The following SCHIP1 variants were observed in gnomAD, a reference collection of about 807,000 sequenced individuals.
The protein encoded by SCHIP1 is schwannomin-interacting protein 1.
A neutral mutation model predicts 29.7 loss-of-function variants in SCHIP1; 8 were observed. The observed-to-expected ratio is 0.27, with a 90% confidence interval of 0.16 to 0.49. SCHIP1 has a LOEUF of 0.49. Among genes scored for constraint, SCHIP1 ranks in the 20% least tolerant of loss-of-function variants. SCHIP1 has a pLI of 0.99. For missense variants in SCHIP1, 193 were observed against 294.6 expected (o/e 0.66, Z 2.52); for synonymous variants, 76 against 94.9 (o/e 0.80, Z 1.16).
the SCHIP1 span, among the ~76,000 whole-genome samples, chr3:159,452,045 G>T: frequency 2.0e-5 from 3 of 152,002 alleles, no homozygotes; most frequent in Non-Finnish European, 2.9e-5. Flanking sequence ...GGGCCAAGTG[G>T]TCTGCGTTGT....
chr3:159,372,447 C>CTTGA, the SCHIP1 span, among the ~76,000 whole-genome samples: 1 of 151,960 alleles, frequency 6.6e-6, no homozygotes. Flanking sequence ...TGTTTTTATA[C>CTTGA]TTGATTGAAA....
chr3:159,341,047 T>C, the SCHIP1 span, among the ~76,000 whole-genome samples: 4 of 152,188 alleles, frequency 2.6e-5, no homozygotes, highest in South Asian at 8.3e-4. Flanking sequence ...TTCCTGAGTT[T>C]TAGAGTTCAG....
At chr3:159,564,635 C>T in the SCHIP1 span, among the ~76,000 whole-genome samples, 8 of 152,180 alleles carry the variant, frequency 5.3e-5, no homozygotes, top group African/African-American at 1.9e-4. Flanking sequence ...CGTGGCCTCC[C>T]AAAGTGCTGG....
At chr3:159,668,145 G>C in the SCHIP1 span, among the ~76,000 whole-genome samples, 1 of 152,062 alleles carries the variant, frequency 6.6e-6, no homozygotes, top group Admixed American at 6.5e-5. Context: ...TGAGGCAGGT[G>C]GATCATGAGG....
the SCHIP1 span, among the ~76,000 whole-genome samples, chr3:159,515,753 CTT>C: frequency 1.3e-5 from 2 of 152,106 alleles, no homozygotes; most frequent in Non-Finnish European, 2.9e-5. Flanking sequence ...ATACAATACA[CTT>C]TGTTAGTTCA....
chr3:159,736,046 C>T, the SCHIP1 span, among the ~76,000 whole-genome samples: 1 of 151,878 alleles, frequency 6.6e-6, no homozygotes, highest in African/African-American at 2.4e-5. Context: ...GATCTGAATG[C>T]CCAATAGTCT....
the SCHIP1 span, among the ~76,000 whole-genome samples, chr3:159,326,133 G>A: frequency 2.0e-5 from 3 of 152,166 alleles, no homozygotes; most frequent in Admixed American, 6.5e-5. Context: ...GCCCAAGGCC[G>A]TAAGCAAATA....
chr3:159,343,158 G>A, the SCHIP1 span, among the ~76,000 whole-genome samples: 1 of 151,920 alleles, frequency 6.6e-6, no homozygotes, highest in Admixed American at 6.6e-5. Flanking sequence ...AGTTTAGAGG[G>A]GTCAGGCAAC....
At chr3:159,472,161 A>G in the SCHIP1 span, among the ~76,000 whole-genome samples, 1 of 152,180 alleles carries the variant, frequency 6.6e-6, no homozygotes, top group African/African-American at 2.4e-5. Flanking sequence ...CAGCATGGGA[A>G]GAAATTGTTA....
the SCHIP1 span, among the ~76,000 whole-genome samples, chr3:159,403,874 C>T: frequency 3.3e-5 from 5 of 152,278 alleles, no homozygotes; most frequent in South Asian, 1.0e-3. Flanking sequence ...GAAACTCCTT[C>T]CTTTAGCTTA....
the SCHIP1 span, among the ~76,000 whole-genome samples, chr3:159,808,968 A>T: frequency 1.4e-5 from 2 of 141,482 alleles, no homozygotes; most frequent in Admixed American, 7.4e-5. Context: ...AAAAAAAAAG[A>T]AACTTTTTTT....
chr3:159,871,997 AT>A lies in SCHIP1; in HGVS notation c.149+5717del, dbSNP rs1715343217. Among the ~76,000 whole-genome samples the A allele has an allele frequency of 4.6e-5, 7 of 152,262 alleles. No individual in the cohort carries two copies. The South Asian group carries it at 1.5e-3, about 32-fold the overall frequency. ...TTCGAGGATCCTGCAGTAGAAATGCATGTGCTTCCTCTACCAGCCTCCCCTG... is the reference window on the plus strand; with the variant it reads ...TTCGAGGATCCTGCAGTAGAAATGCAGTGCTTCCTCTACCAGCCTCCCCTG... On this transcript the variant is annotated intron_variant, in intron 2 of 6. Coordinates refer to ENST00000445224, the Ensembl canonical transcript of SCHIP1.
the SCHIP1 span, among the ~76,000 whole-genome samples, chr3:159,740,771 G>GACAA: frequency 1.9e-5 from 2 of 104,884 alleles, no homozygotes; most frequent in African/African-American, 3.7e-5. Context: ...CAAAAAAAAA[G>GACAA]AAAAAAAAAA....
the SCHIP1 span, among the ~76,000 whole-genome samples, chr3:159,691,281 G>A: frequency 1.3e-5 from 2 of 152,120 alleles, no homozygotes; most frequent in Non-Finnish European, 2.9e-5. Flanking sequence ...CCTGTATTAT[G>A]TGCATTTATA....
At chr3:159,449,020 C>T in the SCHIP1 span, among the ~76,000 whole-genome samples, 1 of 152,202 alleles carries the variant, frequency 6.6e-6, no homozygotes, top group Non-Finnish European at 1.5e-5. Context: ...AGTTAAAACA[C>T]TGCTATTCCC....
chr3:159,314,725 G>A, the SCHIP1 span, among the ~76,000 whole-genome samples: 6 of 152,062 alleles, frequency 3.9e-5, no homozygotes, highest in East Asian at 1.2e-3. Context: ...AATCAACCAT[G>A]GTACTGAGCC....
the SCHIP1 span, among the ~76,000 whole-genome samples, chr3:159,435,441 T>C: frequency 1.3e-5 from 2 of 152,216 alleles, no homozygotes; most frequent in East Asian, 1.9e-4. Flanking sequence ...CTAGCCCTCA[T>C]ATGGAATCCT....
At chr3:159,627,646 T>G in the SCHIP1 span, among the ~76,000 whole-genome samples, 21 of 152,216 alleles carry the variant, frequency 1.4e-4, no homozygotes, top group African/African-American at 2.2e-4. Flanking sequence ...GTTCATCGCC[T>G]AGTGAGATGG....
At chr3:159,619,483 A>AT in the SCHIP1 span, among the ~76,000 whole-genome samples, 7 of 152,348 alleles carry the variant, frequency 4.6e-5, no homozygotes, top group East Asian at 7.7e-4. Context: ...AGCCACCAGC[A>AT]TCAGTGGGCT....
Sources: gnomAD v4.1 joint callset for allele counts (sites outside exome capture counted in the v4.1 genomes callset) on GRCh38, gnomAD v4.1.1 for gene constraint, MANE v1.5 for transcripts, NCBI Gene and HGNC (gene_info 2026-07-23, HGNC 2026-07-21) for gene names.